Variants in CARD14 observed in about 807,000 individuals in gnomAD.
CARD14 encodes caspase recruitment domain family member 14.
In CARD14, 107 loss-of-function variants were observed where a neutral mutation model predicts 111.5. That is an observed-to-expected ratio of 0.96 (90% confidence interval 0.82 to 1.13). The LOEUF (loss-of-function observed/expected upper bound fraction) is 1.13, where lower values mean the gene tolerates loss of function less well. Ranked by LOEUF, CARD14 falls within the 50% of genes most tolerant of loss-of-function variation. The pLI is 0.00. For missense variants in CARD14, 1,322 were observed against 1,362.3 expected (o/e 0.97, Z 0.47); for synonymous variants, 617 against 579.6 (o/e 1.06, Z -0.93).
chr17:80,173,617 T>TG (rs981728272), intron 2 of CARD14, among the ~76,000 whole-genome samples: 5 of 151,866 alleles, frequency 3.3e-5, no homozygotes, highest in Admixed American at 1.3e-4. Flanking sequence ...TTTTTTTTTT[T>TG]AGATGGAGTC....
At chr17:80,202,099 C>A in intron 17 of CARD14, 81 bp from the exon 18 acceptor site, 1 of 1,350,994 alleles carries the variant, frequency 7.4e-7, no homozygotes. Flanking sequence ...CCTTCCTTCT[C>A]TCCTACTTTA....
chr17:80,174,204 G>A (rs115743469), intron 2 of CARD14, among the ~76,000 whole-genome samples: 127 of 152,070 alleles, frequency 8.4e-4, no homozygotes, highest in African/African-American at 3.0e-3. Flanking sequence ...TAAAATCAGC[G>A]TTTTGTTTTA....
In CARD14 at chr17:80,189,864, C is replaced by G. The variant is rs367867373; in HGVS notation, c.955C>G (p.Arg319Gly). Residue 319 changes from arginine to glycine, a missense_variant, in exon 9 of 24, where the codon CGA (arginine) becomes GGA (glycine). By Grantham distance (125) the Arg-to-Gly change is moderately radical. Coordinates refer to ENST00000648509, the MANE Select transcript of CARD14 (RefSeq NM_001366385.1). This position sits in a 1 kb window ranked among gnomAD's most constrained non-coding sequence, Gnocchi z 4.7. ...RERAVAAERQ[R>G]EQYWEEKEQT... ...GCGGGCCGTGGCTGCCGAGAGGCAG[C>G]GAGAGCAGGTGCCGTGTGAGCCCTT... 6.3e-7 allele frequency: 1 copy of G among 1,593,476 alleles called. No homozygotes were observed. Among genetic ancestry groups the G allele is most frequent in the African/African-American group, 1.4e-5 (1 of 72,936 alleles).
chr17:80,183,806 A>T, intron 6 of CARD14, 107 bp from the exon 7 acceptor site: 1 of 886,386 alleles, frequency 1.1e-6, no homozygotes, highest in South Asian at 2.0e-5. Flanking sequence ...CCACATGCTC[A>T]CCTGCCCACA....
chr17:80,197,975 G>A lies in CARD14; in HGVS notation c.1595-124G>A, dbSNP rs1161534334. On this transcript the variant is annotated intron_variant, in intron 14 of 23. Coordinates refer to ENST00000648509, the MANE Select transcript of CARD14 (RefSeq NM_001366385.1). Reference sequence around the variant, plus strand: ...GGGGCTGAGGTTACAGGAGGTTACAGGACGCCCCATCAGCAGTGGGGTGAC... The same window carrying A: ...GGGGCTGAGGTTACAGGAGGTTACAAGACGCCCCATCAGCAGTGGGGTGAC... 9.1e-6 allele frequency: 8 copies of A among 875,888 alleles called. No individual in the cohort carries two copies. In the East Asian group the frequency reaches 1.5e-4, roughly 16 times the overall value. 54.3% of individuals were successfully genotyped at this position (875,888 alleles called of 1,614,324 possible).
At chr17:80,177,912 C>T (rs191421422) in intron 2 of CARD14, among the ~76,000 whole-genome samples, 32 of 152,244 alleles carry the variant, frequency 2.1e-4, no homozygotes, top group African/African-American at 7.0e-4. Context: ...AACTTGATTA[C>T]GTTGGCAGAG....
chr17:80,186,908 G>A (rs2040362326), intron 7 of CARD14, among the ~76,000 whole-genome samples: 1 of 152,206 alleles, frequency 6.6e-6, no homozygotes, highest in African/African-American at 2.4e-5. Context: ...CTACTAGGGT[G>A]TCTTTGCTTC....
At position 80,208,656 on chromosome 17, in the gene CARD14, C is replaced by G. The variant is rs375698316; in HGVS notation, c.*311C>G. The G allele has an allele frequency of 4.7e-4, 138 of 292,148 alleles. 1 individual carries two copies. The highest frequency in any genetic ancestry group is 2.7e-3 in the African/African-American group (125 of 46,292). The allele number at this position is 292,148 out of a possible 1,614,324, so 18.1% of individuals were successfully genotyped here. ...ACGTCTTCCCATGCCTTCCCTAGAA[C>G]CGGAGGCCCCGGACTTCTCTGGAAA... On this transcript the variant is annotated 3_prime_UTR_variant, in exon 24 of 24. Transcript: ENST00000648509.
Position 80,188,079 on chromosome 17 carries a change from A to G in CARD14, c.676-298A>G. Reference sequence around the variant, plus strand: ...CACTGCCGGCTGCTCAGCTGTAGAGATCCAGGAGTTGGTTATCAAGGCCTC... The same window carrying G: ...CACTGCCGGCTGCTCAGCTGTAGAGGTCCAGGAGTTGGTTATCAAGGCCTC... On this transcript the variant is annotated intron_variant, in intron 7 of 23. Coordinates refer to ENST00000648509, the MANE Select transcript of CARD14 (RefSeq NM_001366385.1). This position sits in a 1 kb window ranked among gnomAD's most constrained non-coding sequence, Gnocchi z 4.5. The G allele has an allele frequency of 1.5e-6, 1 of 671,312 alleles. No individual in the cohort carries two copies. Among genetic ancestry groups the G allele is most frequent in the Middle Eastern group, 6.6e-4 (1 of 1,522 alleles). The allele number at this position is 671,312 out of a possible 1,614,324, so 41.6% of individuals were successfully genotyped here.
At chr17:80,177,412 T>A (rs899339514) in intron 2 of CARD14, among the ~76,000 whole-genome samples, 1 of 152,114 alleles carries the variant, frequency 6.6e-6, no homozygotes, top group African/African-American at 2.4e-5. Flanking sequence ...AAAATTTTTT[T>A]AGGCCAGGTG....
intron 4 of CARD14, among the ~76,000 whole-genome samples, chr17:80,180,948 A>C (rs1344149671): frequency 6.6e-6 from 1 of 152,158 alleles, no homozygotes; most frequent in Non-Finnish European, 1.5e-5. Flanking sequence ...TTTTTAGTAG[A>C]GACAGGGTTT....
At chr17:80,199,552 GC>G (rs1161570969) in intron 16 of CARD14, among the ~76,000 whole-genome samples, 1 of 83,356 alleles carries the variant, frequency 1.2e-5, no homozygotes, top group Non-Finnish European at 2.3e-5. Flanking sequence ...ACAGAGCAAA[GC>G]CTTGTCTCAA....
rs766077998 is a variant in CARD14 at position 80,195,214 on chromosome 17, T to C, written c.1380T>C (p.Ser460=). ...STESQLLSDL[S]ATSSRELVDS... The stretch of plus-strand genomic sequence containing the variant: ...AGTCTCAGCTCTTGTCGGACCTGAG[T>C]GCCACGTCCAGCCGCGAGCTGGTGG... The change falls in exon 13 of 24, where the codon AGT becomes AGC. Residue 460 remains serine, a synonymous_variant. Coordinates refer to ENST00000648509, the MANE Select transcript of CARD14 (RefSeq NM_001366385.1). The surrounding 1 kb of genome is among the most constrained non-coding windows in gnomAD (Gnocchi z 4.7). 6.2e-7 allele frequency: 1 copy of C among 1,609,840 alleles called. No homozygotes were observed. The highest frequency in any genetic ancestry group is 2.2e-5 in the East Asian group (1 of 44,804).
At chr17:80,183,845 C>T in intron 6 of CARD14, 68 bp from the exon 7 acceptor site, 2 of 1,338,142 alleles carry the variant, frequency 1.5e-6, no homozygotes, top group South Asian at 1.6e-5. Flanking sequence ...CTCACCTGCT[C>T]ACCTACCCAC....
Position 80,207,218 on chromosome 17 carries a change from C to A in CARD14, c.2807+133C>A. 4.9e-6 allele frequency: 3 copies of A among 616,256 alleles called. No homozygotes were observed. The South Asian group carries it at 6.0e-5, about 12-fold the overall frequency. The allele number at this position is 616,256 out of a possible 1,614,324, so 38.2% of individuals were successfully genotyped here. A position where few individuals can be genotyped will look rare whatever the true frequency, so the allele number is the denominator to read the frequency against. On this transcript the variant is annotated intron_variant, in intron 23 of 23. Transcript: ENST00000648509. ...AGGCGCTGACAGGGCCGTTTCCGCA[C>A]AACTTTGGGACAAGGGCCCCGCTGA...
chr17:80,192,437 A>C, intron 11 of CARD14, 66 bp from the exon 12 acceptor site: 1 of 1,249,824 alleles, frequency 8.0e-7, no homozygotes. Flanking sequence ...ACCTGGTAGA[A>C]ACTCCACGGG....
Position 80,188,853 on chromosome 17 carries a change from C to G in CARD14, c.843+309C>G, listed in dbSNP as rs766027901. The G allele has an allele frequency of 5.3e-6, 1 of 188,048 alleles. No individual in the cohort carries two copies. Among genetic ancestry groups the G allele is most frequent in the Non-Finnish European group, 1.1e-5 (1 of 92,132 alleles). The allele number at this position is 188,048 out of a possible 1,614,324, so 11.6% of individuals were successfully genotyped here. ...ATAGCTTGAGCTCAGGAGTTCAAGA[C>G]CAGCCTGGGCAACATGGCGAGACCC... On this transcript the variant is annotated intron_variant, in intron 8 of 23. Coordinates refer to ENST00000648509, the MANE Select transcript of CARD14 (RefSeq NM_001366385.1). This position sits in a 1 kb window ranked among gnomAD's most constrained non-coding sequence, Gnocchi z 4.5.
At chr17:80,205,509 C>A in intron 21 of CARD14, 22 bp from the exon 22 acceptor site, 1 of 1,577,196 alleles carries the variant, frequency 6.3e-7, no homozygotes, top group South Asian at 1.2e-5. Context: ...TCTATGATGG[C>A]CCCGTCCAAT....
rs57058990 is a variant in CARD14 at position 80,208,794 on chromosome 17, G to A, written c.*449G>A. 6,557 of 154,692 alleles carry A rather than the reference G, an allele frequency of 0.042. 491 individuals are homozygous for A. Among genetic ancestry groups the A allele is most frequent in the African/African-American group, 0.15 (6,124 of 41,638 alleles). 9.6% of individuals were successfully genotyped at this position (154,692 alleles called of 1,614,324 possible). A position where few individuals can be genotyped will look rare whatever the true frequency, so the allele number is the denominator to read the frequency against. On this transcript the variant is annotated 3_prime_UTR_variant, in exon 24 of 24. Coordinates refer to ENST00000648509, the MANE Select transcript of CARD14 (RefSeq NM_001366385.1). Reference sequence around the variant, plus strand: ...AAAGCACAGAGGCAGCGGGTGGGGCGCCTGGGTGGTCCCCAAGGTCGCTGC... The same window carrying A: ...AAAGCACAGAGGCAGCGGGTGGGGCACCTGGGTGGTCCCCAAGGTCGCTGC...
Sources: gnomAD v4.1 joint callset for allele counts (sites outside exome capture counted in the v4.1 genomes callset) on GRCh38, gnomAD v4.1.1 for gene constraint, Gnocchi (gnomAD v3.1) non-coding constraint, MANE v1.5 for transcripts, NCBI Gene and HGNC (gene_info 2026-07-23, HGNC 2026-07-21) for gene names.